Variants in SLC39A12 observed in about 807,000 individuals in gnomAD.
The protein encoded by SLC39A12 is solute carrier family 39 member 12, also known as zinc transporter ZIP12.
In SLC39A12, 63 loss-of-function variants were observed where a neutral mutation model predicts 71.1. The observed-to-expected ratio is 0.89, with a 90% CI of 0.72 to 1.09. SLC39A12 has a LOEUF of 1.09. SLC39A12 is among the 50% of genes least tolerant of loss of function. The probability of loss-of-function intolerance (pLI) is 0.00; values close to 1 mark genes in which losing one functional copy is unlikely to be tolerated. For synonymous variants in SLC39A12, 351 were observed against 301.3 expected (o/e 1.16, Z -1.71); for missense variants, 892 against 812.6 (o/e 1.10, Z -1.19).
intron 7 of SLC39A12, among the ~76,000 whole-genome samples, chr10:17,987,986 C>T (rs939871737): frequency 6.6e-6 from 1 of 152,004 alleles, no homozygotes; most frequent in Non-Finnish European, 1.5e-5. Flanking sequence ...ACAGCCTGGC[C>T]GATGTGGTGG....
intron 2 of SLC39A12, among the ~76,000 whole-genome samples, chr10:17,956,768 C>A (rs1052228443): frequency 2.0e-5 from 3 of 152,202 alleles, no homozygotes; most frequent in Non-Finnish European, 4.4e-5. Context: ...TGGCCCTAGC[C>A]CCTGACATAA....
At chr10:17,996,842 C>CA (rs1390997798) in intron 10 of SLC39A12, among the ~76,000 whole-genome samples, 5 of 151,768 alleles carry the variant, frequency 3.3e-5, no homozygotes, top group African/African-American at 1.2e-4. Context: ...CTAAAAAATA[C>CA]AAAAAATTAG....
At chr10:18,038,670 T>C (rs943105186) in intron 12 of SLC39A12, among the ~76,000 whole-genome samples, 87 of 151,978 alleles carry the variant, frequency 5.7e-4, no homozygotes, top group African/African-American at 1.9e-3. Context: ...AATAAATAAA[T>C]AAATAAATAA....
At chr10:17,975,572 C>T (rs76283269) in intron 4 of SLC39A12, among the ~76,000 whole-genome samples, 3,430 of 152,288 alleles carry the variant, frequency 0.023, 116 homozygotes, top group African/African-American at 0.074. Flanking sequence ...CCACTCTTTC[C>T]TCTCCATTCC....
At chr10:18,019,378 A>G (rs1375172514) in intron 12 of SLC39A12, among the ~76,000 whole-genome samples, 3 of 151,908 alleles carry the variant, frequency 2.0e-5, no homozygotes, top group African/African-American at 7.2e-5. Flanking sequence ...TGATTAACTG[A>G]TTTTAATTTC....
intron 12 of SLC39A12, among the ~76,000 whole-genome samples, chr10:18,016,049 A>G (rs1016189553): frequency 3.3e-5 from 5 of 152,222 alleles, no homozygotes; most frequent in Admixed American, 3.3e-4. Flanking sequence ...ACACATTGTG[A>G]CTCAAAGTCC....
chr10:18,025,629 A>G (rs1011383137), intron 12 of SLC39A12, among the ~76,000 whole-genome samples: 2 of 152,136 alleles, frequency 1.3e-5, no homozygotes, highest in African/African-American at 4.8e-5. Context: ...AATCCAGTCT[A>G]TCATTGTTGG....
intron 9 of SLC39A12, 103 bp from the exon 10 acceptor site, chr10:17,995,552 TA>T: frequency 1.0e-6 from 1 of 995,888 alleles, no homozygotes; most frequent in Non-Finnish European, 1.5e-6. Flanking sequence ...TCTAGAGTAC[TA>T]AAATGTCTTT....
intron 2 of SLC39A12, among the ~76,000 whole-genome samples, chr10:17,954,026 G>A (rs1427249859): frequency 6.6e-6 from 1 of 152,134 alleles, no homozygotes; most frequent in African/African-American, 2.4e-5. Flanking sequence ...TTAACGATGA[G>A]GAATCTGAGC....
In SLC39A12 at chr10:17,984,902, C is replaced by T. The variant is rs566126220; in HGVS notation, c.1097-2577C>T. Among the ~76,000 whole-genome samples, 123 of 152,236 alleles carry T rather than the reference C, an allele frequency of 8.1e-4. 3 individuals carry two copies. In the South Asian group the frequency reaches 0.018, roughly 23 times the overall value. On this transcript the variant is annotated intron_variant, in intron 6 of 12. Coordinates refer to ENST00000377369, the MANE Select transcript of SLC39A12 (RefSeq NM_001145195.2). ...CAATGAAAATGTGGTAGTGGGGGTA[C>T]GGGAACAGATGCTTAAAAGTTTTTT...
chr10:18,004,809 G>A (rs1401344128), intron 12 of SLC39A12, among the ~76,000 whole-genome samples: 1 of 152,068 alleles, frequency 6.6e-6, no homozygotes, highest in African/African-American at 2.4e-5. Flanking sequence ...CAATAGCAAA[G>A]ACATGGAATC....
chr10:18,039,618 C>T (rs1837163357), intron 12 of SLC39A12, among the ~76,000 whole-genome samples: 1 of 152,032 alleles, frequency 6.6e-6, no homozygotes, highest in Non-Finnish European at 1.5e-5. Context: ...GTCTTAGCTA[C>T]CCAGGAGGCT....
chr10:18,010,986 ATTTTC>A (rs1836201312), intron 12 of SLC39A12, among the ~76,000 whole-genome samples: 1 of 151,830 alleles, frequency 6.6e-6, no homozygotes, highest in African/African-American at 2.4e-5. Flanking sequence ...TTATGATTTT[ATTTTC>A]TTTTCATTTC....
chr10:17,968,265 A>G (rs1834884422), intron 4 of SLC39A12, among the ~76,000 whole-genome samples: 3 of 152,132 alleles, frequency 2.0e-5, no homozygotes, highest in South Asian at 4.1e-4. Flanking sequence ...TAACCTCAAT[A>G]TAACGTTAAA....
chr10:18,028,421 AC>A (rs760325250), intron 12 of SLC39A12, among the ~76,000 whole-genome samples: 28 of 152,286 alleles, frequency 1.8e-4, no homozygotes, highest in Admixed American at 4.6e-4. Context: ...CCAACAGGAA[AC>A]CAGTTTCAGG....
chr10:17,990,195 G>T (rs967072566), intron 7 of SLC39A12, among the ~76,000 whole-genome samples: 48 of 152,036 alleles, frequency 3.2e-4, no homozygotes, highest in African/African-American at 1.2e-3. Flanking sequence ...AGAAGTATTA[G>T]GTGGGTATCC....
intron 4 of SLC39A12, among the ~76,000 whole-genome samples, chr10:17,976,373 A>T (rs1835108883): frequency 6.6e-6 from 1 of 151,822 alleles, no homozygotes; most frequent in African/African-American, 2.4e-5. Flanking sequence ...GTGATGAGTC[A>T]TTTTCTTTTG....
Position 17,987,591 on chromosome 10 carries a change from G to T in SLC39A12, c.1209G>T (p.Leu403=). 6.2e-7 allele frequency: 1 copy of T among 1,614,162 alleles called. No homozygotes were observed. Among genetic ancestry groups the T allele is most frequent in the Non-Finnish European group, 8.5e-7 (1 of 1,180,032 alleles). The change falls in exon 7 of 13, where the codon CTG becomes CTT. Residue 403 remains leucine (L), a synonymous_variant. Coordinates refer to ENST00000377369, the MANE Select transcript of SLC39A12 (RefSeq NM_001145195.2). ...AGAACTACAGGCTTATCTTACAGCT[G>T]TTTGTGGGCTTGGCCGTCGGGACAC... ...CEENYRLILQ[L]FVGLAVGTLS...
At chr10:17,974,430 A>C (rs1331122241) in intron 4 of SLC39A12, among the ~76,000 whole-genome samples, 1 of 152,236 alleles carries the variant, frequency 6.6e-6, no homozygotes, top group Non-Finnish European at 1.5e-5. Context: ...GATAGTACAA[A>C]GGACTTAGGT....
Sources: allele counts gnomAD v4.1 joint callset (sites outside exome capture counted in the v4.1 genomes callset), GRCh38; gene constraint gnomAD v4.1.1; transcripts MANE v1.5; gene names NCBI Gene and HGNC (gene_info 2026-07-23, HGNC 2026-07-21).